CAMSAP1: variants seen among roughly 807,000 people sequenced by gnomAD.
CAMSAP1 encodes the protein calmodulin-regulated spectrin-associated protein 1.
Under a neutral mutation model 143.5 loss-of-function variants are expected in CAMSAP1, and 58 were observed. That is an observed-to-expected ratio of 0.40 (90% CI 0.33 to 0.50). The LOEUF (loss-of-function observed/expected upper bound fraction) is 0.50. Ranked by LOEUF, CAMSAP1 falls within the 20% of genes least tolerant of loss-of-function variation. The pLI is 0.45. For synonymous variants in CAMSAP1, 945 were observed against 859.3 expected (o/e 1.10, Z -1.74); for missense variants, 1,969 against 2,115.7 (o/e 0.93, Z 1.36).
intron 1 of CAMSAP1, among the ~76,000 whole-genome samples, chr9:135,899,669 C>A (rs1035672411): frequency 2.6e-4 from 39 of 152,282 alleles, no homozygotes; most frequent in African/African-American, 9.1e-4. Context: ...AACTCTGCAG[C>A]CACTACCCCC....
intron 3 of CAMSAP1, among the ~76,000 whole-genome samples, chr9:135,876,047 CCTGGTT>C: frequency 6.6e-6 from 1 of 152,202 alleles, no homozygotes; most frequent in East Asian, 1.9e-4. Context: ...CCTCCACCTC[CCTGGTT>C]CAAGTGATTC....
At position 135,811,529 on chromosome 9, in the gene CAMSAP1, T is replaced by C; in HGVS notation, c.4589A>G (p.Tyr1530Cys). 3 of 1,607,646 alleles carry C rather than the reference T, an allele frequency of 1.9e-6. No homozygotes were observed. The highest frequency in any genetic ancestry group is 2.5e-6 in the Non-Finnish European group (3 of 1,176,754). The stretch of plus-strand genomic sequence containing the variant: ...TTTGTAGATTTCCTCAGTATCAGGA[T>C]AGTAGCAGTAAAGCGCCCTGAACTG... ...GCQFRALYCY[Y>C]PDTEEIYKLT... The change falls in exon 17 of 17, where the codon TAT becomes TGT. Residue 1530 changes from tyrosine to cysteine, a missense_variant. Around this residue, in one of 4 missense-constraint regions of CAMSAP1, gnomAD observed 143 missense variants for 200.6 expected, o/e 0.71. Coordinates refer to ENST00000389532, the MANE Select transcript of CAMSAP1 (RefSeq NM_015447.4). The surrounding 1 kb of genome is among the most constrained non-coding windows in gnomAD (Gnocchi z 4.9).
chr9:135,891,364 A>T (rs879871342), intron 1 of CAMSAP1, among the ~76,000 whole-genome samples: 1 of 152,224 alleles, frequency 6.6e-6, no homozygotes, highest in Non-Finnish European at 1.5e-5. Flanking sequence ...TAAGGAATTC[A>T]CAAAAGGAGA....
At chr9:135,852,983 G>T (rs376789605) in intron 5 of CAMSAP1, among the ~76,000 whole-genome samples, 17 of 152,198 alleles carry the variant, frequency 1.1e-4, no homozygotes, top group African/African-American at 3.6e-4. Context: ...AGACCAGCAG[G>T]TGAGAGTCTG....
At chr9:135,884,326 C>T (rs527339084) in intron 1 of CAMSAP1, among the ~76,000 whole-genome samples, 3 of 152,104 alleles carry the variant, frequency 2.0e-5, no homozygotes, top group East Asian at 3.9e-4. Flanking sequence ...AGGGGAAGAA[C>T]CAGCTGTGGC....
intron 1 of CAMSAP1, among the ~76,000 whole-genome samples, chr9:135,883,823 A>T (rs1333198120): frequency 6.6e-6 from 1 of 152,248 alleles, no homozygotes; most frequent in Non-Finnish European, 1.5e-5. Flanking sequence ...GTAAGTGCTC[A>T]AGGCCACAGG....
Position 135,821,010 on chromosome 9 carries a change from T to C in CAMSAP1, c.3651A>G (p.Gly1217=), listed in dbSNP as rs763234014. Residue 1217 remains glycine (G), a synonymous_variant, in exon 11 of 17, where the codon GGA becomes GGG. Coordinates refer to ENST00000389532, the MANE Select transcript of CAMSAP1 (RefSeq NM_015447.4). The surrounding 1 kb of genome is among the most constrained non-coding windows in gnomAD (Gnocchi z 4.6). ...EVGSSSSDVS[G]KESVPVEEPL... is the part of the protein sequence containing the mutation. ...GCTCCTCCACGGGGACGCTCTCTTT[T>C]CCCGAGACATCTGAGGAGCTGGACC... 7 of 1,612,922 alleles carry C rather than the reference T, an allele frequency of 4.3e-6. No individual in the cohort carries two copies. Among genetic ancestry groups the C allele is most frequent in the Admixed American group, 3.3e-5 (2 of 59,970 alleles).
chr9:135,881,360 A>C (rs1837942236), intron 3 of CAMSAP1, among the ~76,000 whole-genome samples: 1 of 151,274 alleles, frequency 6.6e-6, no homozygotes, highest in East Asian at 1.9e-4. Context: ...CCTGTCTCAA[A>C]AAAAAAAAAA....
chr9:135,857,797 T>C (rs1225583278), intron 5 of CAMSAP1, among the ~76,000 whole-genome samples: 2 of 152,176 alleles, frequency 1.3e-5, no homozygotes, highest in African/African-American at 2.4e-5. Context: ...GACGGTGGCT[T>C]CTGGGGCAGG....
chr9:135,898,626 C>T (rs907038953), intron 1 of CAMSAP1, among the ~76,000 whole-genome samples: 2 of 152,080 alleles, frequency 1.3e-5, no homozygotes, highest in African/African-American at 2.4e-5. Context: ...TAAAAATGCT[C>T]ATCATAAGTC....
intron 7 of CAMSAP1, among the ~76,000 whole-genome samples, chr9:135,833,377 G>T (rs907081354): frequency 6.6e-6 from 1 of 152,170 alleles, no homozygotes; most frequent in Non-Finnish European, 1.5e-5. Context: ...CACCGCGCCC[G>T]GCCAGTAATC....
intron 3 of CAMSAP1, among the ~76,000 whole-genome samples, chr9:135,876,411 G>A (rs1837750396): frequency 1.3e-5 from 2 of 152,094 alleles, no homozygotes; most frequent in African/African-American, 2.4e-5. Context: ...TTAAAAATTC[G>A]GCAAAATATT....
intron 5 of CAMSAP1, among the ~76,000 whole-genome samples, chr9:135,858,541 T>A (rs965534374): frequency 3.9e-5 from 6 of 152,204 alleles, no homozygotes; most frequent in Non-Finnish European, 7.3e-5. Context: ...AGGCACTCAA[T>A]CTTTAAGATT....
Position 135,817,937 on chromosome 9 carries a change from T to TC in CAMSAP1, c.4271+39dup, listed in dbSNP as rs758706291. On this transcript the variant is annotated intron_variant, in intron 14 of 16. Coordinates refer to ENST00000389532, the MANE Select transcript of CAMSAP1 (RefSeq NM_015447.4). ...AAGTCCCACCCTGCCCCTCCGAACGTCCTCCAGCCCCGTGCCGGCGGCCGT... is the reference window on the plus strand; with the variant it reads ...AAGTCCCACCCTGCCCCTCCGAACGTCCCTCCAGCCCCGTGCCGGCGGCCGT... The TC allele has an allele frequency of 2.5e-6, 4 of 1,568,786 alleles. No individual in the cohort carries two copies. In the African/African-American group the frequency reaches 5.4e-5, roughly 21 times the overall value.
Position 135,824,810 on chromosome 9 carries a change from T to C in CAMSAP1, c.1294A>G (p.Ile432Val), listed in dbSNP as rs368288676. The C allele has an allele frequency of 1.9e-6, 3 of 1,599,356 alleles. No individual in the cohort carries two copies. Among genetic ancestry groups the C allele is most frequent in the African/African-American group, 1.3e-5 (1 of 74,642 alleles). ...LPLRQKQQKS[I>V]QGEDIPDQRH... ...TTACCAGGGATGTCCTCTCCCTGTA[T>C]GGATTTCTGCTGTTTCTGTCTCAGT... Residue 432 changes from isoleucine to valine, a missense_variant, in exon 9 of 17, where the codon ATA (isoleucine) becomes GTA (valine). Ile to Val is a conservative substitution (Grantham distance 29). Coordinates refer to ENST00000389532, the MANE Select transcript of CAMSAP1 (RefSeq NM_015447.4). This position sits in a 1 kb window ranked among gnomAD's most constrained non-coding sequence, Gnocchi z 4.1.
intron 3 of CAMSAP1, among the ~76,000 whole-genome samples, chr9:135,872,863 C>G (rs1837615046): frequency 1.3e-5 from 2 of 152,150 alleles, no homozygotes; most frequent in African/African-American, 4.8e-5. Flanking sequence ...AAAGTAAAAA[C>G]TGACAGAACC....
chr9:135,894,051 G>C (rs1214971701), intron 1 of CAMSAP1, among the ~76,000 whole-genome samples: 1 of 152,118 alleles, frequency 6.6e-6, no homozygotes. Flanking sequence ...TCCCTGCCTA[G>C]CAACAGAGGC....
In CAMSAP1 at chr9:135,821,177, C is replaced by G. The variant is rs1835440829; in HGVS notation, c.3484G>C (p.Gly1162Arg). 6.2e-7 allele frequency: 1 copy of G among 1,610,726 alleles called. No homozygotes were observed. The highest frequency in any genetic ancestry group is 1.3e-5 in the African/African-American group (1 of 75,072). ...SALEPSGDPH[G>R]KCLFDSYRLH... ...CTGTAACTGTCGAAGAGACACTTCC[C>G]ATGTGGGTCACCACTGGGCTCCAGG... is the stretch of plus-strand genomic sequence containing the variant. The change falls in exon 11 of 17, where the codon GGG becomes CGG. Residue 1162 changes from glycine (G) to arginine (R), a missense_variant. Around this residue, in one of 4 missense-constraint regions of CAMSAP1, gnomAD observed 1,390 missense variants for 1,420.8 expected, o/e 0.98. Coordinates refer to ENST00000389532, the MANE Select transcript of CAMSAP1 (RefSeq NM_015447.4). The surrounding 1 kb of genome is among the most constrained non-coding windows in gnomAD (Gnocchi z 4.6).
At chr9:135,812,619 C>G (rs1284694535) in intron 16 of CAMSAP1, among the ~76,000 whole-genome samples, 2 of 152,146 alleles carry the variant, frequency 1.3e-5, no homozygotes, top group Non-Finnish European at 2.9e-5. Context: ...GTACTAAAAA[C>G]CACTGAATGG....
Sources: allele counts gnomAD v4.1 joint callset (sites outside exome capture counted in the v4.1 genomes callset), GRCh38; gene constraint gnomAD v4.1.1; regional missense constraint gnomAD v4.1.1; non-coding constraint Gnocchi (gnomAD v3.1); transcripts MANE v1.5; gene names NCBI Gene and HGNC (gene_info 2026-07-23, HGNC 2026-07-21).